RALGPS1: variants seen among roughly 807,000 people sequenced by gnomAD.
The protein encoded by RALGPS1 is ras-specific guanine nucleotide-releasing factor RalGPS1.
RALGPS1 carries 19 observed loss-of-function variants against 78.8 expected under a neutral mutation model. The observed-to-expected ratio is 0.24, with a 90% CI of 0.17 to 0.35. RALGPS1 has a LOEUF of 0.35. Among genes scored for constraint, RALGPS1 ranks in the 10% least tolerant of loss-of-function variants. The pLI is 1.00. For missense variants in RALGPS1, 454 were observed against 688.3 expected, an observed-to-expected ratio of 0.66 and a Z score of 3.81; for synonymous variants, 228 against 256.3, an observed-to-expected ratio of 0.89 and a Z score of 1.06.
intron 4 of RALGPS1, among the ~76,000 whole-genome samples, chr9:127,003,785 C>T (rs893226962): frequency 2.6e-5 from 4 of 151,836 alleles, no homozygotes; most frequent in African/African-American, 9.7e-5. Context: ...TAATGTGTGC[C>T]ATGGTGGTTT....
intron 8 of RALGPS1, chr9:127,107,807 G>T (rs1460225125): frequency 2.6e-6 from 3 of 1,175,204 alleles, no homozygotes; most frequent in Non-Finnish European, 3.6e-6. Context: ...GCATGTCTTT[G>T]GCCTGGCTTC....
chr9:127,025,792 A>G (rs1232721251), intron 4 of RALGPS1, among the ~76,000 whole-genome samples: 2 of 152,058 alleles, frequency 1.3e-5, no homozygotes, highest in African/African-American at 4.8e-5. Flanking sequence ...CCTGGGCTCA[A>G]GCAATCCTCC....
At chr9:127,040,259 G>A (rs1262684376) in intron 5 of RALGPS1, among the ~76,000 whole-genome samples, 1 of 152,026 alleles carries the variant, frequency 6.6e-6, no homozygotes, top group East Asian at 1.9e-4. Context: ...AAATTAGCTG[G>A]GCATGGTGGT....
chr9:127,106,556 C>G (rs1169850835), intron 8 of RALGPS1, among the ~76,000 whole-genome samples: 2 of 152,188 alleles, frequency 1.3e-5, no homozygotes, highest in Non-Finnish European at 2.9e-5. Flanking sequence ...CTCAGGGGGA[C>G]AAAGTGACTT....
At chr9:126,995,773 A>G (rs1337443590) in intron 4 of RALGPS1, among the ~76,000 whole-genome samples, 4 of 152,228 alleles carry the variant, frequency 2.6e-5, no homozygotes, top group Non-Finnish European at 5.9e-5. Flanking sequence ...CTGACCACAT[A>G]GTTGGAAGTA....
chr9:127,068,320 C>T (rs1026534810), intron 7 of RALGPS1, among the ~76,000 whole-genome samples: 2 of 152,188 alleles, frequency 1.3e-5, no homozygotes, highest in African/African-American at 4.8e-5. Context: ...GTGGAACTTA[C>T]TGGGACTTTC....
At chr9:127,129,798 G>A (rs922875766) in intron 8 of RALGPS1, among the ~76,000 whole-genome samples, 12 of 152,192 alleles carry the variant, frequency 7.9e-5, no homozygotes, top group African/African-American at 2.7e-4. Flanking sequence ...CTACCCCACC[G>A]CCTTCTCTCT....
chr9:127,198,972 T>C, intron 13 of RALGPS1, 43 bp from the exon 14 acceptor site: 1 of 1,588,276 alleles, frequency 6.3e-7, no homozygotes. Flanking sequence ...AGGCCCCTCT[T>C]CTGTGAAGCC....
At chr9:127,095,173 C>T (rs2052972297) in intron 8 of RALGPS1, among the ~76,000 whole-genome samples, 1 of 152,166 alleles carries the variant, frequency 6.6e-6, no homozygotes, top group African/African-American at 2.4e-5. Flanking sequence ...CTGAGGCAGG[C>T]AGATCACAAA....
Position 127,162,665 on chromosome 9 carries a change from G to A in RALGPS1, c.611-3404G>A, listed in dbSNP as rs543196295. ...CCTGGGTCTTGAGGAGTAGGCAGGT[G>A]TGGGCATCTGCACGTTTTGTAGAGG... On this transcript the variant is annotated intron_variant, in intron 8 of 18. Coordinates refer to ENST00000259351, the MANE Select transcript of RALGPS1 (RefSeq NM_014636.3). Among the ~76,000 whole-genome samples, 10 of 152,266 alleles carry A rather than the reference G, an allele frequency of 6.6e-5. No homozygotes were observed. The South Asian group carries it at 1.9e-3, about 28-fold the overall frequency.
rs1040128351 is a variant in RALGPS1 at position 127,091,829 on chromosome 9, G to A, written c.610+22473G>A. On this transcript the variant is annotated intron_variant, in intron 8 of 18. Transcript: ENST00000259351. This position sits in a 1 kb window ranked among gnomAD's most constrained non-coding sequence, Gnocchi z 4.3. ...CTGGCGTATTCTGCAAAGACTTTGC[G>A]GCCGGACCAGTCCTCCATGGTCACC... The A allele has an allele frequency of 5.6e-6, 9 of 1,614,004 alleles. No individual in the cohort carries two copies. Among genetic ancestry groups the A allele is most frequent in the African/African-American group, 2.7e-5 (2 of 74,900 alleles).
chr9:127,029,128 G>T (rs114253804), intron 4 of RALGPS1, among the ~76,000 whole-genome samples: 196 of 152,272 alleles, frequency 1.3e-3, no homozygotes, highest in African/African-American at 4.6e-3. Flanking sequence ...AGATAGAGAA[G>T]AATGTAGACT....
At chr9:127,064,991 T>C (rs918314929) in intron 7 of RALGPS1, among the ~76,000 whole-genome samples, 18 of 152,296 alleles carry the variant, frequency 1.2e-4, no homozygotes, top group African/African-American at 4.3e-4. Context: ...TTGCCCAGGC[T>C]GGAGTGTAAT....
intron 8 of RALGPS1, among the ~76,000 whole-genome samples, chr9:127,158,277 A>G (rs1298482969): frequency 2.0e-5 from 3 of 151,992 alleles, no homozygotes; most frequent in African/African-American, 7.2e-5. Flanking sequence ...TGCGATTAAA[A>G]GTAATGGCAA....
chr9:126,992,528 T>A (rs1376618392), intron 4 of RALGPS1, among the ~76,000 whole-genome samples: 1 of 152,238 alleles, frequency 6.6e-6, no homozygotes, highest in Non-Finnish European at 1.5e-5. Flanking sequence ...CATTTTAGGA[T>A]CAACTTGTTA....
At chr9:127,137,806 T>G (rs1438238350) in intron 8 of RALGPS1, among the ~76,000 whole-genome samples, 2 of 152,176 alleles carry the variant, frequency 1.3e-5, no homozygotes, top group African/African-American at 4.8e-5. Flanking sequence ...TGGGGGCATG[T>G]GTTGAGCAAG....
intron 8 of RALGPS1, among the ~76,000 whole-genome samples, chr9:127,081,821 G>A (rs1001984303): frequency 3.9e-5 from 6 of 152,218 alleles, no homozygotes; most frequent in African/African-American, 1.4e-4. Context: ...CCATCAGCAA[G>A]CACAGCATGG....
rs149309268 is a variant in RALGPS1 at position 127,034,702 on chromosome 9, T to C, written c.300+188T>C. ...TCCATTTTCACAGAGCAGGTGGAAC[T>C]GAACATACCTTTCCTATGCTTAAAT... On this transcript the variant is annotated intron_variant, in intron 5 of 18. Transcript: ENST00000259351. Among the ~76,000 whole-genome samples the C allele has an allele frequency of 3.2e-4, 49 of 152,322 alleles. No homozygotes were observed. The East Asian group carries it at 8.7e-3, about 27-fold the overall frequency.
intron 4 of RALGPS1, among the ~76,000 whole-genome samples, chr9:126,985,957 G>A (rs755868397): frequency 1.2e-4 from 19 of 152,232 alleles, no homozygotes; most frequent in African/African-American, 4.3e-4. Context: ...ACTGCCAAGC[G>A]AGGGCGTGTG....
Sources: allele counts gnomAD v4.1 joint callset (sites outside exome capture counted in the v4.1 genomes callset), GRCh38; gene constraint gnomAD v4.1.1; non-coding constraint Gnocchi (gnomAD v3.1); transcripts MANE v1.5; gene names NCBI Gene and HGNC (gene_info 2026-07-23, HGNC 2026-07-21).